The following ACTN2 variants were observed in gnomAD, a reference collection of about 807,000 sequenced individuals.
ACTN2 encodes the protein actinin alpha 2, also known as alpha-actinin-2.
ACTN2 carries 39 observed loss-of-function variants against 113.8 expected under a neutral mutation model. The ratio of observed to expected loss-of-function variants is 0.34; its 90% CI spans 0.27 to 0.45. The LOEUF (loss-of-function observed/expected upper bound fraction) is 0.45, where lower values mean the gene tolerates loss of function less well. Among genes scored for constraint, ACTN2 ranks in the 20% least tolerant of loss-of-function variants. ACTN2 has a pLI of 1.00. For missense variants in ACTN2, 992 were observed against 1,177.9 expected (o/e 0.84, Z 2.31); for synonymous variants, 429 against 444.1 (o/e 0.97, Z 0.43).
chr1:236,734,648 G>T, intron 7 of ACTN2: 1 of 649,072 alleles, frequency 1.5e-6, no homozygotes, highest in South Asian at 2.1e-5. Flanking sequence ...GGAGGCAGTT[G>T]TTTGTCTTTT....
chr1:236,686,839 CG>C, intron 1 of ACTN2, 40 bp downstream of exon 1: 1 of 1,385,830 alleles, frequency 7.2e-7, no homozygotes, highest in Non-Finnish European at 9.4e-7. Context: ...GTGGTGGGGC[CG>C]GGTCCCCCGC....
chr1:236,729,148 A>G (rs950739729), intron 6 of ACTN2, among the ~76,000 whole-genome samples: 5 of 151,884 alleles, frequency 3.3e-5, no homozygotes, highest in African/African-American at 9.7e-5. Context: ...TGGCAGGTGA[A>G]ACCCTGCCTC....
chr1:236,736,520 CAG>C (rs1658881220), intron 8 of ACTN2: 2 of 1,313,598 alleles, frequency 1.5e-6, no homozygotes, highest in Non-Finnish European at 2.1e-6. Context: ...CGAAAGATGA[CAG>C]AGAATTGTGT....
intron 4 of ACTN2, among the ~76,000 whole-genome samples, chr1:236,724,747 C>T (rs1337618270): frequency 6.6e-6 from 1 of 151,928 alleles, no homozygotes. Flanking sequence ...GCAGCTGGCA[C>T]GTCAGTTGCC....
chr1:236,758,487 C>T (rs10925222), intron 18 of ACTN2, among the ~76,000 whole-genome samples: 24,230 of 142,586 alleles, frequency 0.17, 2,070 homozygotes, highest in South Asian at 0.22. Context: ...GACGGGGTTT[C>T]GCCATGTTAG....
intron 17 of ACTN2, among the ~76,000 whole-genome samples, 189 bp downstream of exon 17, chr1:236,755,387 T>C (rs1277088169): frequency 6.6e-6 from 1 of 152,200 alleles, no homozygotes; most frequent in African/African-American, 2.4e-5. Flanking sequence ...GAGGACTATA[T>C]GGTATTACCA....
At chr1:236,728,684 A>G (rs559954125) in intron 6 of ACTN2, among the ~76,000 whole-genome samples, 2 of 152,166 alleles carry the variant, frequency 1.3e-5, no homozygotes, top group South Asian at 4.2e-4. Flanking sequence ...CCTTTAAGGT[A>G]AAGGTTTAGT....
Position 236,761,465 on chromosome 1 carries a change from G to A in ACTN2, c.2526+292G>A, listed in dbSNP as rs149603701. On this transcript the variant is annotated intron_variant, in intron 20 of 20. Coordinates refer to ENST00000366578, the MANE Select transcript of ACTN2 (RefSeq NM_001103.4). ...TGTGTGTGTGTGTGTGTGTATGTGC[G>A]CGCTACTGGTTCGACCCCTGTTTTA... Among the ~76,000 whole-genome samples the A allele has an allele frequency of 1.8e-3, 267 of 150,850 alleles. 1 individual carries two copies. Among genetic ancestry groups the A allele is most frequent in the Admixed American group, 3.7e-3 (57 of 15,204 alleles).
chr1:236,744,815 G>C, intron 12 of ACTN2, 39 bp downstream of exon 12: 1 of 1,613,510 alleles, frequency 6.2e-7, no homozygotes, highest in Non-Finnish European at 8.5e-7. Context: ...GGAGCCCCTG[G>C]GATTCCACAG....
Position 236,737,315 on chromosome 1 carries a change from A to ATATATATATATATG in ACTN2, c.876+104_876+105insATATATATATGTAT, listed in dbSNP as rs1428788821. 2.7e-5 allele frequency: 8 copies of ATATATATATATATG among 294,998 alleles called. 1 individual carries two copies. Among genetic ancestry groups the ATATATATATATATG allele is most frequent in the African/African-American group, 1.8e-4 (8 of 43,568 alleles). 18.3% of individuals were successfully genotyped at this position (294,998 alleles called of 1,614,324 possible). On this transcript the variant is annotated intron_variant, in intron 9 of 20. Coordinates refer to ENST00000366578, the MANE Select transcript of ACTN2 (RefSeq NM_001103.4). ...CGTGGGGGCATATATATATATATAT[A>ATATATATATATATG]TATTTTGCATTTTTCATCTCAGATA...
At chr1:236,690,917 C>T (rs892243278) in intron 1 of ACTN2, among the ~76,000 whole-genome samples, 5 of 150,732 alleles carry the variant, frequency 3.3e-5, no homozygotes, top group East Asian at 2.0e-4. Flanking sequence ...GCTTCCCATT[C>T]CCCCCTCCTC....
intron 14 of ACTN2, among the ~76,000 whole-genome samples, chr1:236,749,799 TCAACAACAA>T (rs542797120): frequency 6.6e-6 from 1 of 151,854 alleles, no homozygotes; most frequent in Non-Finnish European, 1.5e-5. Flanking sequence ...AGACCCTGTC[TCAACAACAA>T]CAACAACAAC....
intron 1 of ACTN2, among the ~76,000 whole-genome samples, chr1:236,693,177 GCACA>G (rs35891713): frequency 0.065 from 9,624 of 149,076 alleles, 419 homozygotes; most frequent in Admixed American, 0.12. Context: ...CTGCACACAT[GCACA>G]CACACACACA....
At chr1:236,703,271 C>T (rs956922031) in intron 1 of ACTN2, among the ~76,000 whole-genome samples, 4 of 152,034 alleles carry the variant, frequency 2.6e-5, no homozygotes, top group African/African-American at 9.7e-5. Flanking sequence ...ACCAGAAAGT[C>T]CTCAAAGGAA....
intron 20 of ACTN2, among the ~76,000 whole-genome samples, 164 bp downstream of exon 20, chr1:236,761,337 G>A (rs542741963): frequency 3.9e-5 from 6 of 152,214 alleles, no homozygotes; most frequent in Non-Finnish European, 1.5e-5. Flanking sequence ...ACAATGGCGC[G>A]CCCAGCACAG....
At chr1:236,694,519 G>A (rs1361070118) in intron 1 of ACTN2, among the ~76,000 whole-genome samples, 1 of 151,918 alleles carries the variant, frequency 6.6e-6, no homozygotes, top group African/African-American at 2.4e-5. Context: ...CACCACGCCT[G>A]GCCCGCACTG....
intron 14 of ACTN2, 136 bp downstream of exon 14, chr1:236,749,400 C>A (rs1472538882): frequency 1.8e-6 from 2 of 1,109,486 alleles, no homozygotes; most frequent in Non-Finnish European, 2.6e-6. Flanking sequence ...GCCCAAATTA[C>A]CCTTGAACCT....
Position 236,686,812 on chromosome 1 carries a change from CCGCGGGCCGCCCGCGCGTGGTGGG to C in ACTN2, c.126+14_126+37del. On this transcript the variant is annotated intron_variant, in intron 1 of 20. Coordinates refer to ENST00000366578, the MANE Select transcript of ACTN2 (RefSeq NM_001103.4). ...GCAGCAGAGGAAGGTCAGCAGGGGCCCGCGGGCCGCCCGCGCGTGGTGGGGCCGGGTCCCCCGCGGGGCTCCCGT... is the reference window on the plus strand; with the variant it reads ...GCAGCAGAGGAAGGTCAGCAGGGGCCGCCGGGTCCCCCGCGGGGCTCCCGT... The C allele has an allele frequency of 6.8e-7, 1 of 1,478,136 alleles. No homozygotes were observed. The highest frequency in any genetic ancestry group is 9.0e-7 in the Non-Finnish European group (1 of 1,109,516). The allele number at this position is 1,478,136 out of a possible 1,614,324, so 91.6% of individuals were successfully genotyped here.
chr1:236,762,727 G>A lies in ACTN2; in HGVS notation c.*108G>A. 3.6e-6 allele frequency: 5 copies of A among 1,371,838 alleles called. No homozygotes were observed. The highest frequency in any genetic ancestry group is 1.5e-5 in the African/African-American group (1 of 68,436). 85.0% of individuals were successfully genotyped at this position (1,371,838 alleles called of 1,614,324 possible). A position where few individuals can be genotyped will look rare whatever the true frequency, so the allele number is the denominator to read the frequency against. On this transcript the variant is annotated 3_prime_UTR_variant, in exon 21 of 21. Coordinates refer to ENST00000366578, the MANE Select transcript of ACTN2 (RefSeq NM_001103.4). ...CTTTATTAAGTTGAGAGAGAGAGAG[G>A]GGAAAAAAAAAAGCCTTTCGTAGTT...
Sources: gnomAD v4.1 joint callset for allele counts (sites outside exome capture counted in the v4.1 genomes callset) on GRCh38, gnomAD v4.1.1 for gene constraint, MANE v1.5 for transcripts, NCBI Gene and HGNC (gene_info 2026-07-23, HGNC 2026-07-21) for gene names.